The following FANCM variants were observed in gnomAD, a reference collection of about 807,000 sequenced individuals.
The protein encoded by FANCM is FA complementation group M.
Under a neutral mutation model 199.5 loss-of-function variants are expected in FANCM, and 140 were observed. The observed-to-expected ratio is 0.70, with a 90% CI of 0.61 to 0.81. The LOEUF is 0.81. FANCM is among the 30% of genes least tolerant of loss of function. The pLI is 0.00. For missense variants in FANCM, 2,410 were observed against 2,421.4 expected, an observed-to-expected ratio of 1.00 and a Z score of 0.10; for synonymous variants, 840 against 836.8, an observed-to-expected ratio of 1.00 and a Z score of -0.07.
chr14:45,185,355 C>A lies in FANCM; in HGVS notation c.4654C>A (p.Leu1552Ile), dbSNP rs753185849. ...TGACTTTTTAAATGATGAAACTCAA[C>A]TTTCACAGGCTATAAATGGTAAATG... ...LLDFLNDETQ[L>I]SQAINDSEMR... is the part of the protein sequence containing the mutation. Residue 1552 changes from leucine to isoleucine, a missense_variant, in exon 18 of 23, where the codon CTT (leucine) becomes ATT (isoleucine). Transcript: ENST00000267430. 2.5e-6 allele frequency: 4 copies of A among 1,587,114 alleles called. No individual in the cohort carries two copies. Among genetic ancestry groups the A allele is most frequent in the Non-Finnish European group, 8.6e-7 (1 of 1,160,294 alleles).
rs1395963826 is a variant in FANCM, at chr14:45,175,440, A to G, written c.2686A>G (p.Asn896Asp). The G allele has an allele frequency of 1.3e-6, 2 of 1,594,390 alleles. No homozygotes were observed. Among genetic ancestry groups the G allele is most frequent in the African/African-American group, 2.7e-5 (2 of 73,854 alleles). Residue 896 changes from asparagine (N) to aspartate (D), a missense_variant, in exon 14 of 23, where the codon AAT becomes GAT. By Grantham distance (23) the Asn-to-Asp change is conservative. Transcript: ENST00000267430. The stretch of plus-strand genomic sequence containing the variant: ...AAATATTTTTCAAGAAGACCTACCA[A>G]ATGATAAAAGGACATCAGATACAGA... ...VENIFQEDLP[N>D]DKRTSDTDEI...
intron 2 of FANCM, among the ~76,000 whole-genome samples, chr14:45,139,291 A>G (rs1480117312): frequency 6.6e-6 from 1 of 152,232 alleles, no homozygotes; most frequent in African/African-American, 2.4e-5. Flanking sequence ...ATATTTTTAA[A>G]AGCTCGATAA....
Position 45,176,729 on chromosome 14 carries a change from T to G in FANCM, c.3975T>G (p.Tyr1325Ter), listed in dbSNP as rs1030580842. The change falls in exon 14 of 23, where the codon TAT becomes TAG. Residue 1325 changes from tyrosine to a stop codon, truncating the protein, a stop_gained. Coordinates refer to ENST00000267430, the MANE Select transcript of FANCM (RefSeq NM_020937.4). LOFTEE classifies it high-confidence loss of function. ...AKNEELLSPG[Y>*]SQFSLPVQKK... is the part of the protein sequence containing the mutation. ...ATGAAGAATTGTTATCTCCTGGTTA[T>G]TCTCAGTTTTCTTTACCAGTGCAAA... 9.9e-6 allele frequency: 16 copies of G among 1,613,430 alleles called. No homozygotes were observed. Among genetic ancestry groups the G allele is most frequent in the Non-Finnish European group, 1.3e-5 (15 of 1,179,662 alleles).
intron 14 of FANCM, among the ~76,000 whole-genome samples, chr14:45,181,145 G>A (rs1302104397): frequency 6.6e-6 from 1 of 152,118 alleles, no homozygotes; most frequent in African/African-American, 2.4e-5. Flanking sequence ...ATTACTTTTT[G>A]TGTTTTTCTG....
At chr14:45,189,402 C>T (rs1230068584) in intron 20 of FANCM, 40 bp downstream of exon 20, 3 of 1,454,076 alleles carry the variant, frequency 2.1e-6, no homozygotes, top group Non-Finnish European at 1.9e-6. Flanking sequence ...TAGATGGTTA[C>T]CAGAAGTTTT....
In FANCM at chr14:45,183,912, T is replaced by C. The variant is rs747493198; in HGVS notation, c.4515+10T>C. On this transcript the variant is annotated intron_variant, in intron 17 of 22. Coordinates refer to ENST00000267430, the MANE Select transcript of FANCM (RefSeq NM_020937.4). ...ACAGAGTCACTTAAAGGTAATCTTT[T>C]TTTTAGTTTCTTTAAATATGTATGC... The C allele has an allele frequency of 1.9e-6, 3 of 1,601,292 alleles. No individual in the cohort carries two copies. In the African/African-American group the frequency reaches 4.0e-5, roughly 21 times the overall value.
intron 9 of FANCM, among the ~76,000 whole-genome samples, chr14:45,160,864 C>T (rs759061083): frequency 2.0e-5 from 3 of 151,884 alleles, no homozygotes; most frequent in Non-Finnish European, 2.9e-5. Context: ...TTATACCTGC[C>T]CTCACTACAC....
At chr14:45,143,014 T>C (rs1327786880) in intron 3 of FANCM, among the ~76,000 whole-genome samples, 1 of 152,068 alleles carries the variant, frequency 6.6e-6, no homozygotes, top group East Asian at 1.9e-4. Context: ...AATCATTCTT[T>C]CTCTCTTTTA....
At chr14:45,188,154 C>G (rs1204067737) in intron 19 of FANCM, among the ~76,000 whole-genome samples, 1 of 152,164 alleles carries the variant, frequency 6.6e-6, no homozygotes, top group Non-Finnish European at 1.5e-5. Context: ...GCCTGGCCAA[C>G]ATGGTGAAAC....
Position 45,152,266 on chromosome 14 carries a change from G to A in FANCM, c.1050+738G>A, listed in dbSNP as rs1886880623. 2.0e-5 allele frequency among the ~76,000 whole-genome samples: 3 copies of A among 152,224 alleles called. 1 individual carries two copies. In the South Asian group the frequency reaches 6.2e-4, roughly 32 times the overall value. The stretch of plus-strand genomic sequence containing the variant: ...GCTGGTCTCGACCTCCTGACCTCAG[G>A]TGATCTGCCTGTCTCGGCCTCCCAG... On this transcript the variant is annotated intron_variant, in intron 5 of 22. Transcript: ENST00000267430.
At chr14:45,164,232 G>A in intron 9 of FANCM, 127 bp from the exon 10 acceptor site, 1 of 782,988 alleles carries the variant, frequency 1.3e-6, no homozygotes, top group Non-Finnish European at 2.2e-6. Context: ...GGCATGAGCT[G>A]TGGCCAGCCT....
At chr14:45,185,847 C>T (rs1427346192) in intron 18 of FANCM, among the ~76,000 whole-genome samples, 1 of 151,882 alleles carries the variant, frequency 6.6e-6, no homozygotes, top group Admixed American at 6.6e-5. Context: ...TTTGGAGTAA[C>T]TGGGGTTGAG....
chr14:45,168,840 T>G (rs1189790397), intron 11 of FANCM, among the ~76,000 whole-genome samples: 1 of 148,428 alleles, frequency 6.7e-6, no homozygotes, highest in Admixed American at 6.8e-5. Flanking sequence ...ATATGTAGTA[T>G]TATATATAGT....
chr14:45,147,612 G>C (rs1886499858), intron 3 of FANCM, among the ~76,000 whole-genome samples: 2 of 152,056 alleles, frequency 1.3e-5, no homozygotes, highest in African/African-American at 2.4e-5. Flanking sequence ...TTCTATTTTT[G>C]TTTGGACACC....
In FANCM at chr14:45,181,713, A is replaced by G; in HGVS notation, c.4386+8A>G. 1 of 1,562,612 alleles carries G rather than the reference A, an allele frequency of 6.4e-7. No homozygotes were observed. The highest frequency in any genetic ancestry group is 8.8e-7 in the Non-Finnish European group (1 of 1,134,736). On this transcript the variant is annotated splice_region_variant and intron_variant, in intron 16 of 22. Coordinates refer to ENST00000267430, the MANE Select transcript of FANCM (RefSeq NM_020937.4). ...AGATTTCCTATAAACAGAGTAAGTA[A>G]ATACCAGGTAATGTATAGTAATCCA...
At chr14:45,161,514 C>T (rs747352851) in intron 9 of FANCM, among the ~76,000 whole-genome samples, 5 of 152,188 alleles carry the variant, frequency 3.3e-5, no homozygotes, top group African/African-American at 4.8e-5. Flanking sequence ...CACTGTGGCT[C>T]ATGACTGTAA....
chr14:45,136,614 A>G (rs1428341514), intron 1 of FANCM, 75 bp downstream of exon 1: 1 of 1,407,974 alleles, frequency 7.1e-7, no homozygotes, highest in Non-Finnish European at 1.0e-6. Flanking sequence ...CCAAGCTACA[A>G]CATGTGCATC....
intron 7 of FANCM, 110 bp downstream of exon 7, chr14:45,154,932 C>T: frequency 1.3e-6 from 1 of 791,064 alleles, no homozygotes; most frequent in Non-Finnish European, 2.1e-6. Flanking sequence ...TATTTTGTAG[C>T]AACAGATCTG....
intron 11 of FANCM, among the ~76,000 whole-genome samples, chr14:45,168,630 G>A (rs1306099570): frequency 6.7e-6 from 1 of 149,960 alleles, no homozygotes; most frequent in African/African-American, 2.4e-5. Flanking sequence ...CTTAGATTAT[G>A]TGATTTATGT....
Sources: allele counts gnomAD v4.1 joint callset (sites outside exome capture counted in the v4.1 genomes callset), GRCh38; gene constraint gnomAD v4.1.1; transcripts MANE v1.5; gene names NCBI Gene and HGNC (gene_info 2026-07-23, HGNC 2026-07-21).